Variants in CHN2 observed in about 807,000 individuals in gnomAD.
CHN2 encodes chimerin 2.
A neutral mutation model predicts 56.3 loss-of-function variants in CHN2; 35 were observed. That is an observed-to-expected ratio of 0.62 (90% confidence interval 0.47 to 0.82). The LOEUF (loss-of-function observed/expected upper bound fraction) is 0.82. CHN2 is among the 40% of genes least tolerant of loss of function. The pLI is 0.00. For synonymous variants in CHN2, 210 were observed against 212.8 expected (o/e 0.99, Z 0.12); for missense variants, 491 against 580.5 (o/e 0.85, Z 1.58).
chr7:29,494,424 T>G (rs1027998701), intron 7 of CHN2, among the ~76,000 whole-genome samples: 3 of 152,224 alleles, frequency 2.0e-5, no homozygotes, highest in Non-Finnish European at 2.9e-5. Context: ...TTAGAAAATG[T>G]CCAACTTTAG....
intron 3 of CHN2, among the ~76,000 whole-genome samples, chr7:29,378,159 C>T (rs1290162529): frequency 6.6e-6 from 1 of 152,226 alleles, no homozygotes; most frequent in East Asian, 1.9e-4. Context: ...GCTCAGACTC[C>T]TTAGTGTTTC....
At chr7:29,311,921 TAGA>T (rs1441601167) in intron 1 of CHN2, among the ~76,000 whole-genome samples, 2 of 152,238 alleles carry the variant, frequency 1.3e-5, no homozygotes, top group Non-Finnish European at 1.5e-5. Flanking sequence ...ACTTAGATTC[TAGA>T]AGAACATGTC....
intron 1 of CHN2, among the ~76,000 whole-genome samples, chr7:29,245,942 G>A (rs984245034): frequency 6.6e-6 from 1 of 152,192 alleles, no homozygotes; most frequent in Non-Finnish European, 1.5e-5. Flanking sequence ...GAGGGGCTCT[G>A]TGCACATAGG....
intron 2 of CHN2, among the ~76,000 whole-genome samples, chr7:29,365,643 G>A (rs117182129): frequency 1.3e-3 from 192 of 152,308 alleles, no homozygotes; most frequent in Non-Finnish European, 2.2e-3. Flanking sequence ...CAAAGGCCCT[G>A]AGGTTGAAGG....
chr7:29,212,190 T>C (rs1785007492), intron 1 of CHN2: 2 of 610,902 alleles, frequency 3.3e-6, no homozygotes, highest in African/African-American at 1.8e-5. Flanking sequence ...TTGATACTTT[T>C]GCTTCTGGAA....
intron 2 of CHN2, chr7:29,148,474 C>T (rs1336104475): frequency 6.6e-6 from 1 of 152,224 alleles, no homozygotes; most frequent in South Asian, 2.1e-4. Flanking sequence ...TGTTGAATAA[C>T]ACGTTTTAAC....
intron 2 of CHN2, among the ~76,000 whole-genome samples, chr7:29,177,551 G>A (rs571187949): frequency 1.5e-4 from 23 of 148,702 alleles, no homozygotes; most frequent in Admixed American, 1.3e-3. Context: ...ACCGTGCCTG[G>A]CCCCCTCACT....
intron 6 of CHN2, among the ~76,000 whole-genome samples, chr7:29,417,099 T>G (rs1421934179): frequency 6.6e-6 from 1 of 152,182 alleles, no homozygotes; most frequent in Non-Finnish European, 1.5e-5. Context: ...GCGCGTCCTC[T>G]CCTTCTGGCT....
At chr7:29,337,285 G>A (rs569828506) in intron 1 of CHN2, among the ~76,000 whole-genome samples, 83 of 152,288 alleles carry the variant, frequency 5.5e-4, no homozygotes, top group Middle Eastern at 3.4e-3. Flanking sequence ...CTTCAGACAG[G>A]AGCTAACTAT....
At chr7:29,414,473 G>A (rs986960572) in intron 6 of CHN2, among the ~76,000 whole-genome samples, 3 of 152,110 alleles carry the variant, frequency 2.0e-5, no homozygotes, top group African/African-American at 4.8e-5. Flanking sequence ...CAACGGCTCT[G>A]AGAGTTGGGA....
chr7:29,264,617 A>G (rs545875966), intron 1 of CHN2, among the ~76,000 whole-genome samples: 1 of 152,124 alleles, frequency 6.6e-6, no homozygotes, highest in South Asian at 2.1e-4. Context: ...AAGGCAGCAT[A>G]CTCGTTAAGG....
At position 29,375,227 on chromosome 7, in the gene CHN2, C is replaced by T. The variant is rs183798790; in HGVS notation, c.144+7240C>T. On this transcript the variant is annotated intron_variant, in intron 3 of 12. Coordinates refer to ENST00000222792, the MANE Select transcript of CHN2 (RefSeq NM_004067.4). ...TTTTTTTTTTTTTTTTTGACGGAGT[C>T]TTGCTCTGTGGCCCAGGCTGGAGTG... is the stretch of plus-strand genomic sequence containing the variant. 5.3e-3 allele frequency among the ~76,000 whole-genome samples: 441 copies of T among 83,832 alleles called. 2 individuals carry two copies. The highest frequency in any genetic ancestry group is 0.02 in the African/African-American group (400 of 20,438). 55.0% of individuals were successfully genotyped at this position (83,832 alleles called of 152,430 possible).
chr7:29,509,225 A>G, intron 11 of CHN2, 76 bp from the exon 12 acceptor site: 1 of 1,121,086 alleles, frequency 8.9e-7, no homozygotes, highest in South Asian at 1.3e-5. Flanking sequence ...TGGCTAAAAC[A>G]AAAACTTCTT....
At chr7:29,225,681 T>A (rs2128796055) in intron 1 of CHN2, among the ~76,000 whole-genome samples, 1 of 152,282 alleles carries the variant, frequency 6.6e-6, no homozygotes, top group Middle Eastern at 3.4e-3. Flanking sequence ...AAGCTGATAA[T>A]CCTTGCTACC....
At chr7:29,348,833 A>T (rs1379419894) in intron 1 of CHN2, among the ~76,000 whole-genome samples, 2 of 152,208 alleles carry the variant, frequency 1.3e-5, no homozygotes, top group East Asian at 3.8e-4. Context: ...ATATACAGAA[A>T]ATTGTAAAAT....
chr7:29,221,735 G>A (rs531159246), intron 1 of CHN2, among the ~76,000 whole-genome samples: 10 of 152,244 alleles, frequency 6.6e-5, no homozygotes, highest in Admixed American at 1.3e-4. Context: ...TCCTGCATTC[G>A]TTTGCTGAGG....
intron 1 of CHN2, among the ~76,000 whole-genome samples, chr7:29,352,367 G>A (rs369609731): frequency 3.9e-5 from 5 of 128,258 alleles, no homozygotes; most frequent in Non-Finnish European, 6.7e-5. Flanking sequence ...GTGTGTGTGT[G>A]TATGTGTGTG....
intron 1 of CHN2, among the ~76,000 whole-genome samples, chr7:29,352,415 T>C (rs922568541): frequency 6.6e-6 from 1 of 152,072 alleles, no homozygotes; most frequent in Non-Finnish European, 1.5e-5. Context: ...TTTTTGAAGA[T>C]GCCTTCAACA....
At chr7:29,148,283 C>A (rs188435571) in intron 2 of CHN2, among the ~76,000 whole-genome samples, 4 of 152,158 alleles carry the variant, frequency 2.6e-5, no homozygotes, top group Non-Finnish European at 5.9e-5. Flanking sequence ...CACGTGGAAC[C>A]ACTTAAAAAC....
Sources: allele counts gnomAD v4.1 joint callset (sites outside exome capture counted in the v4.1 genomes callset), GRCh38; gene constraint gnomAD v4.1.1; transcripts MANE v1.5; gene names NCBI Gene and HGNC (gene_info 2026-07-23, HGNC 2026-07-21).